DLG2: variants seen among roughly 807,000 people sequenced by gnomAD.
The protein encoded by DLG2 is discs large MAGUK scaffold protein 2, also known as disks large homolog 2.
In DLG2, 45 loss-of-function variants were observed where a neutral mutation model predicts 132.5. The observed-to-expected ratio is 0.34, with a 90% confidence interval of 0.27 to 0.44. The LOEUF is 0.44. DLG2 is among the 20% of genes least tolerant of loss of function. DLG2 has a pLI of 1.00. For missense variants in DLG2, 1,045 were observed against 1,196.9 expected, an observed-to-expected ratio of 0.87 and a Z score of 1.87; for synonymous variants, 424 against 419.6, an observed-to-expected ratio of 1.01 and a Z score of -0.13.
chr11:84,698,216 AGATATAGCCATCT>A, intron 6 of DLG2, among the ~76,000 whole-genome samples: 1 of 147,984 alleles, frequency 6.8e-6, no homozygotes, highest in South Asian at 2.2e-4. Flanking sequence ...CAAAATAGTG[AGATATAGCCATCT>A]GATCCGAACT....
chr11:84,615,672 C>G (rs2099602645), intron 6 of DLG2, among the ~76,000 whole-genome samples: 1 of 151,520 alleles, frequency 6.6e-6, no homozygotes. Flanking sequence ...CTGTTTCCAT[C>G]TAAAATATTG....
chr11:83,889,132 T>G (rs2068872402), intron 15 of DLG2, among the ~76,000 whole-genome samples: 1 of 152,080 alleles, frequency 6.6e-6, no homozygotes, highest in Non-Finnish European at 1.5e-5. Flanking sequence ...AAAGAGCTTC[T>G]GCACAGCAAA....
chr11:84,705,522 G>A (rs1428912543), intron 6 of DLG2, among the ~76,000 whole-genome samples: 1 of 151,642 alleles, frequency 6.6e-6, no homozygotes, highest in Non-Finnish European at 1.5e-5. Context: ...CTTTCCAGCT[G>A]GTATGAAACT....
chr11:84,816,393 TG>T (rs747989910), intron 6 of DLG2, among the ~76,000 whole-genome samples: 25 of 151,908 alleles, frequency 1.6e-4, no homozygotes, highest in Non-Finnish European at 2.2e-4. Context: ...CCAAGAATCT[TG>T]GTAACATACA....
At chr11:84,139,816 G>A (rs1438874359) in intron 9 of DLG2, among the ~76,000 whole-genome samples, 1 of 152,092 alleles carries the variant, frequency 6.6e-6, no homozygotes, top group Non-Finnish European at 1.5e-5. Flanking sequence ...TTAAGAAAAC[G>A]CTTTCAAACA....
At chr11:84,165,891 C>T (rs2095651217) in intron 8 of DLG2, among the ~76,000 whole-genome samples, 1 of 151,888 alleles carries the variant, frequency 6.6e-6, no homozygotes, top group Admixed American at 6.6e-5. Context: ...GAGTGAGATC[C>T]CGTCTCAAAA....
At chr11:83,632,882 C>A (rs2063811897) in intron 19 of DLG2, 2 of 254,930 alleles carry the variant, frequency 7.8e-6, no homozygotes, top group East Asian at 8.8e-5. Flanking sequence ...AAGTAAATGT[C>A]CAAGGGTTTG....
At chr11:83,532,368 T>A (rs1248325684) in intron 21 of DLG2, among the ~76,000 whole-genome samples, 1 of 152,114 alleles carries the variant, frequency 6.6e-6, no homozygotes. Flanking sequence ...ATACTTTTTA[T>A]AAAATCCATC....
chr11:84,838,952 TCAC>T (rs2080206864), intron 6 of DLG2, among the ~76,000 whole-genome samples: 1 of 152,086 alleles, frequency 6.6e-6, no homozygotes, highest in Admixed American at 6.6e-5. Flanking sequence ...ATGCCCTCTC[TCAC>T]CACTGCTATT....
chr11:84,799,832 T>C (rs1282227736), intron 6 of DLG2, among the ~76,000 whole-genome samples: 1 of 152,170 alleles, frequency 6.6e-6, no homozygotes, highest in Non-Finnish European at 1.5e-5. Flanking sequence ...CTAACTTTGG[T>C]CTCTAAGTGT....
chr11:84,890,966 C>T (rs750129180), intron 6 of DLG2: 4 of 152,158 alleles, frequency 2.6e-5, no homozygotes, highest in African/African-American at 9.7e-5. Context: ...CAAGATCATG[C>T]TTTGCTCTTA....
At chr11:84,301,967 G>C (rs1258138463) in intron 7 of DLG2, among the ~76,000 whole-genome samples, 1 of 152,138 alleles carries the variant, frequency 6.6e-6, no homozygotes, top group Non-Finnish European at 1.5e-5. Context: ...GTCAATAATA[G>C]ACTGGATAAA....
intron 7 of DLG2, among the ~76,000 whole-genome samples, chr11:84,533,085 G>A (rs1386468134): frequency 2.0e-5 from 3 of 152,112 alleles, no homozygotes; most frequent in East Asian, 1.9e-4. Context: ...AACCTCTGAC[G>A]AGTCATTATC....
intron 6 of DLG2, among the ~76,000 whole-genome samples, chr11:84,691,475 CT>C (rs2058035329): frequency 6.6e-6 from 1 of 151,658 alleles, no homozygotes; most frequent in African/African-American, 2.4e-5. Context: ...CTTAAAAAAA[CT>C]ATGTTAAAGC....
chr11:84,335,338 C>G (rs1269117585), intron 7 of DLG2, among the ~76,000 whole-genome samples: 1 of 151,760 alleles, frequency 6.6e-6, no homozygotes, highest in Non-Finnish European at 1.5e-5. Flanking sequence ...AAGTTTATAC[C>G]ATTGCTGGCA....
rs200081377 is a variant in DLG2, at chr11:83,675,008, G to A, written c.1826-41683C>T. 1.6e-4 allele frequency among the ~76,000 whole-genome samples: 25 copies of A among 152,298 alleles called. No individual in the cohort carries two copies. In the East Asian group the frequency reaches 4.4e-3, roughly 27 times the overall value. On this transcript the variant is annotated intron_variant, in intron 18 of 27. Transcript: ENST00000376104. ...AGAAAATTGTGAACTGTATGATCACGCTTGTGATAGAAAGTAAATAACAGT... is the reference window on the plus strand; with the variant it reads ...AGAAAATTGTGAACTGTATGATCACACTTGTGATAGAAAGTAAATAACAGT...
intron 7 of DLG2, among the ~76,000 whole-genome samples, chr11:84,253,641 T>C (rs538927663): frequency 6.6e-6 from 1 of 152,266 alleles, no homozygotes; most frequent in East Asian, 1.9e-4. Context: ...ATAACAATAA[T>C]TACTGCTTAT....
intron 18 of DLG2, among the ~76,000 whole-genome samples, chr11:83,753,816 AT>A (rs2093471334): frequency 1.4e-5 from 1 of 72,548 alleles, no homozygotes; most frequent in African/African-American, 9.3e-5. Context: ...TATATCATAT[AT>A]ATATTTCATA....
intron 17 of DLG2, among the ~76,000 whole-genome samples, chr11:83,798,852 G>A (rs995348645): frequency 6.6e-6 from 1 of 152,146 alleles, no homozygotes; most frequent in Non-Finnish European, 1.5e-5. Context: ...CATTTTTCCT[G>A]AAGTGATGAG....
Sources: allele counts gnomAD v4.1 joint callset (sites outside exome capture counted in the v4.1 genomes callset), GRCh38; gene constraint gnomAD v4.1.1; transcripts MANE v1.5; gene names NCBI Gene and HGNC (gene_info 2026-07-23, HGNC 2026-07-21).